TNN: variants seen among roughly 807,000 people sequenced by gnomAD.
TNN encodes tenascin N.
TNN carries 122 observed loss-of-function variants against 134.4 expected under a neutral mutation model. The ratio of observed to expected loss-of-function variants is 0.91; its 90% CI spans 0.78 to 1.06. TNN has a LOEUF of 1.06. TNN is among the 50% of genes least tolerant of loss of function. The pLI is 0.00. For missense variants in TNN, 1,739 were observed against 1,699.4 expected, an observed-to-expected ratio of 1.02 and a Z score of -0.41; for synonymous variants, 710 against 670.3, an observed-to-expected ratio of 1.06 and a Z score of -0.91.
At chr1:175,140,266 A>G (rs12062685) in intron 17 of TNN, among the ~76,000 whole-genome samples, 2,840 of 152,284 alleles carry the variant, frequency 0.019, 76 homozygotes, top group African/African-American at 0.064. Context: ...TCTGCTCTTG[A>G]TCATGGCCAT....
intron 1 of TNN, 86 bp downstream of exon 1, chr1:175,068,021 C>T: frequency 2.3e-6 from 1 of 441,098 alleles, no homozygotes. Context: ...GGCTCAGGTG[C>T]CTCCGTTCCC....
Position 175,122,000 on chromosome 1 carries a change from G to T in TNN, c.2651-1400G>T, listed in dbSNP as rs151054741. On this transcript the variant is annotated intron_variant, in intron 11 of 18. Transcript: ENST00000239462. ...GTTGTATAAACTAGTCAGGGGCTCA[G>T]AATTAATAGATATTGTGGAGCGATT... Among the ~76,000 whole-genome samples, 12 of 152,330 alleles carry T rather than the reference G, an allele frequency of 7.9e-5. No homozygotes were observed. In the East Asian group the frequency reaches 2.3e-3, roughly 29 times the overall value.
chr1:175,125,438 T>G (rs1390651198), intron 12 of TNN, among the ~76,000 whole-genome samples: 1 of 152,132 alleles, frequency 6.6e-6, no homozygotes, highest in Non-Finnish European at 1.5e-5. Flanking sequence ...TGGTCTACAG[T>G]GCACACTTGC....
In TNN at chr1:175,077,554, T is replaced by C. The variant is rs1386350426; in HGVS notation, c.136T>C (p.Tyr46His). The C allele has an allele frequency of 6.2e-7, 1 of 1,614,212 alleles. No homozygotes were observed. Among genetic ancestry groups the C allele is most frequent in the East Asian group, 2.2e-5 (1 of 44,878 alleles). The change falls in exon 2 of 19, where the codon TAC (tyrosine) becomes CAC (histidine). Residue 46 changes from tyrosine (Y) to histidine (H), a missense_variant. Transcript: ENST00000239462. ...KEQQVTVSHT[Y>H]KIDVPKSALV... ...GCAACAGGTCACTGTCAGCCACACCTACAAGATCGATGTGCCCAAGTCTGC... is the reference window on the plus strand; with the variant it reads ...GCAACAGGTCACTGTCAGCCACACCCACAAGATCGATGTGCCCAAGTCTGC...
intron 9 of TNN, among the ~76,000 whole-genome samples, chr1:175,103,944 A>G (rs1165734939): frequency 2.1e-5 from 3 of 145,380 alleles, no homozygotes; most frequent in African/African-American, 7.4e-5. Flanking sequence ...TGTCCTTCCA[A>G]TGCCCAGACT....
chr1:175,112,935 C>G (rs1304560638), intron 9 of TNN, among the ~76,000 whole-genome samples: 1 of 152,026 alleles, frequency 6.6e-6, no homozygotes, highest in African/African-American at 2.4e-5. Context: ...GCAAGTCTAT[C>G]TTTTAAGTGG....
chr1:175,123,354 C>G, intron 11 of TNN, 46 bp from the exon 12 acceptor site: 1 of 1,601,438 alleles, frequency 6.2e-7, no homozygotes, highest in Admixed American at 1.7e-5. Context: ...GATGCGATGT[C>G]TTCCTTTGTT....
Position 175,124,687 on chromosome 1 carries a change from GCAAACAAACAAA to G in TNN, c.2914+1042_2914+1053del, listed in dbSNP as rs59814606. Among the ~76,000 whole-genome samples the G allele has an allele frequency of 8.2e-3, 1,244 of 150,992 alleles. 10 individuals carry two copies. The highest frequency in any genetic ancestry group is 0.013 in the Non-Finnish European group (863 of 67,730). ...CAAAGAGCGAGACTCCATCTCAAAA[GCAAACAAACAAA>G]CAAACAAACAAACAAACTCCTCTCT... On this transcript the variant is annotated intron_variant, in intron 12 of 18. Coordinates refer to ENST00000239462, the MANE Select transcript of TNN (RefSeq NM_022093.2).
At position 175,094,144 on chromosome 1, in the gene TNN, G is replaced by A. The variant is rs756217445; in HGVS notation, c.1479G>A (p.Glu493=). The change falls in exon 7 of 19, where the codon GAG becomes GAA. Residue 493 remains glutamate, a synonymous_variant. Transcript: ENST00000239462. ...DTKEMAVHKD[E]SSTVLTGLKP... ...AGGAAATGGCAGTGCACAAGGATGAGAGCAGCACTGTCCTGACGGGCCTGA... is the reference window on the plus strand; with the variant it reads ...AGGAAATGGCAGTGCACAAGGATGAAAGCAGCACTGTCCTGACGGGCCTGA... 6.2e-7 allele frequency: 1 copy of A among 1,614,222 alleles called. No homozygotes were observed. Among genetic ancestry groups the A allele is most frequent in the Admixed American group, 1.7e-5 (1 of 60,028 alleles).
intron 15 of TNN, among the ~76,000 whole-genome samples, chr1:175,131,521 G>A (rs1384874029): frequency 6.6e-6 from 1 of 152,184 alleles, no homozygotes; most frequent in Admixed American, 6.5e-5. Flanking sequence ...TCATCTCATA[G>A]AATGGGAGTG....
rs770464051 is a variant in TNN, at chr1:175,079,316, T to G, written c.410-17T>G. ...CAACCCTTCAACCCAACCTACTGTT[T>G]CTCCTCTCCCTCCCAGATCTAAGCC... is the stretch of plus-strand genomic sequence containing the variant. On this transcript the variant is annotated splice_polypyrimidine_tract_variant and intron_variant, in intron 2 of 18. Transcript: ENST00000239462. 1.9e-6 allele frequency: 3 copies of G among 1,572,992 alleles called. No individual in the cohort carries two copies. The African/African-American group carries it at 4.1e-5, about 21-fold the overall frequency.
intron 9 of TNN, among the ~76,000 whole-genome samples, chr1:175,103,098 C>T (rs1023177774): frequency 6.9e-6 from 1 of 145,892 alleles, no homozygotes; most frequent in Non-Finnish European, 1.5e-5. Flanking sequence ...AGCTTGATGG[C>T]CTCGATTCTA....
At chr1:175,100,852 T>C (rs559364041) in intron 9 of TNN, among the ~76,000 whole-genome samples, 1 of 152,348 alleles carries the variant, frequency 6.6e-6, no homozygotes, top group Non-Finnish European at 1.5e-5. Flanking sequence ...GAACTCATAA[T>C]AGACATTTGT....
chr1:175,140,032 G>T (rs966897036), intron 17 of TNN, among the ~76,000 whole-genome samples: 1 of 152,246 alleles, frequency 6.6e-6, no homozygotes, highest in African/African-American at 2.4e-5. Context: ...AACTGAATAA[G>T]AGGGGATTTA....
At chr1:175,102,338 C>T (rs1674745825) in intron 9 of TNN, among the ~76,000 whole-genome samples, 1 of 146,152 alleles carries the variant, frequency 6.8e-6, no homozygotes, top group Admixed American at 6.8e-5. Flanking sequence ...GGACTGGGTG[C>T]CATGGAGCAG....
intron 1 of TNN, among the ~76,000 whole-genome samples, chr1:175,075,664 T>C (rs11578942): frequency 0.29 from 44,182 of 152,012 alleles, 8,212 homozygotes; most frequent in African/African-American, 0.53. Context: ...CGATTGAAAA[T>C]AAAATAAACC....
chr1:175,134,176 G>A (rs1251977804), intron 15 of TNN, among the ~76,000 whole-genome samples: 1 of 152,062 alleles, frequency 6.6e-6, no homozygotes, highest in Non-Finnish European at 1.5e-5. Context: ...ACATCCAATT[G>A]CTCTGTGGTA....
intron 2 of TNN, among the ~76,000 whole-genome samples, chr1:175,078,445 G>C (rs1220935102): frequency 6.6e-6 from 1 of 151,956 alleles, no homozygotes; most frequent in South Asian, 2.1e-4. Context: ...CTCCCCCAAC[G>C]CAACCCCGTC....
chr1:175,097,738 A>T (rs1674608498), intron 8 of TNN, 55 bp downstream of exon 8: 1 of 1,607,686 alleles, frequency 6.2e-7, no homozygotes, highest in African/African-American at 1.3e-5. Context: ...GGATTTGAAT[A>T]GGTATGGTAT....
Sources: gnomAD v4.1 joint callset for allele counts (sites outside exome capture counted in the v4.1 genomes callset) on GRCh38, gnomAD v4.1.1 for gene constraint, MANE v1.5 for transcripts, NCBI Gene and HGNC (gene_info 2026-07-23, HGNC 2026-07-21) for gene names.